Variants in TANGO6 observed in about 807,000 individuals in gnomAD.
TANGO6 encodes transport and Golgi organization protein 6 homolog.
A neutral mutation model predicts 114.2 loss-of-function variants in TANGO6; 90 were observed. The observed-to-expected ratio is 0.79, with a 90% CI of 0.66 to 0.94. The LOEUF (loss-of-function observed/expected upper bound fraction) is 0.94. Ranked by LOEUF, TANGO6 falls within the 40% of genes least tolerant of loss-of-function variation. The pLI is 0.00. For synonymous variants in TANGO6, 477 were observed against 509.8 expected (o/e 0.94, Z 0.87); for missense variants, 1,274 against 1,315.3 (o/e 0.97, Z 0.49).
At chr16:68,844,048 T>G (rs1189952322) in intron 1 of TANGO6, among the ~76,000 whole-genome samples, 3 of 151,890 alleles carry the variant, frequency 2.0e-5, no homozygotes, top group African/African-American at 7.3e-5. Flanking sequence ...CCAGAGAGGG[T>G]AGGGCGCCCG....
At chr16:68,855,311 G>T (rs919190337) in intron 1 of TANGO6, among the ~76,000 whole-genome samples, 88 of 152,282 alleles carry the variant, frequency 5.8e-4, no homozygotes, top group African/African-American at 2.0e-3. Flanking sequence ...GCCAGGCGTG[G>T]TGGCTCACAC....
chr16:69,034,142 A>T (rs187524718), intron 16 of TANGO6: 8 of 154,208 alleles, frequency 5.2e-5, no homozygotes, highest in Admixed American at 4.6e-4. Context: ...CATTGTCCCT[A>T]TGCGGAGAGG....
intron 17 of TANGO6, among the ~76,000 whole-genome samples, chr16:69,075,734 A>T (rs535043692): frequency 7.3e-5 from 11 of 150,806 alleles, no homozygotes; most frequent in African/African-American, 2.4e-4. Flanking sequence ...GATTACAGGC[A>T]TAAGCCATTG....
intron 17 of TANGO6, among the ~76,000 whole-genome samples, chr16:69,052,975 G>A (rs1422948650): frequency 6.6e-6 from 1 of 152,058 alleles, no homozygotes; most frequent in African/African-American, 2.4e-5. Context: ...AGGCATGGTG[G>A]TGCATGTCTA....
At chr16:69,055,630 G>C (rs527991878) in intron 17 of TANGO6, among the ~76,000 whole-genome samples, 2 of 152,364 alleles carry the variant, frequency 1.3e-5, no homozygotes, top group East Asian at 3.9e-4. Flanking sequence ...TTTGTGCAAA[G>C]TCAGGCTGGG....
chr16:68,920,450 G>C (rs995385277), intron 12 of TANGO6, among the ~76,000 whole-genome samples: 1 of 152,214 alleles, frequency 6.6e-6, no homozygotes, highest in Non-Finnish European at 1.5e-5. Context: ...GAGCATGCCT[G>C]CAAGGACAAA....
intron 17 of TANGO6, among the ~76,000 whole-genome samples, chr16:69,060,333 ATT>A (rs1960095621): frequency 6.6e-6 from 1 of 152,044 alleles, no homozygotes; most frequent in South Asian, 2.1e-4. Context: ...TCACTTTTAT[ATT>A]CCCAAAAGCT....
intron 14 of TANGO6, among the ~76,000 whole-genome samples, chr16:68,952,492 G>A (rs2152206049): frequency 6.6e-6 from 1 of 152,276 alleles, no homozygotes; most frequent in South Asian, 2.1e-4. Context: ...GATGATACTT[G>A]AAGCTGTTCA....
chr16:68,849,991 T>G (rs1961876087), intron 1 of TANGO6, among the ~76,000 whole-genome samples: 1 of 138,616 alleles, frequency 7.2e-6, no homozygotes, highest in South Asian at 2.2e-4. Context: ...TTTTTTTTTT[T>G]GAGACGGAAT....
In TANGO6 at chr16:69,054,272, G is replaced by A. The variant is rs564967175; in HGVS notation, c.3108+13851G>A. Among the ~76,000 whole-genome samples the A allele has an allele frequency of 5.3e-5, 8 of 152,270 alleles. No individual in the cohort carries two copies. In the South Asian group the frequency reaches 1.5e-3, roughly 28 times the overall value. On this transcript the variant is annotated intron_variant, in intron 17 of 17. Coordinates refer to ENST00000261778, the MANE Select transcript of TANGO6 (RefSeq NM_024562.2). ...AGTCTCTCTGGTAGGACCCTCCAAA[G>A]GGTAAACACTCCAGGCTTCTGCTGG...
intron 12 of TANGO6, among the ~76,000 whole-genome samples, chr16:68,922,919 C>T (rs1432643889): frequency 2.1e-5 from 3 of 142,560 alleles, no homozygotes; most frequent in African/African-American, 7.8e-5. Flanking sequence ...CTTGGTCTTA[C>T]TCTACACTGC....
chr16:69,032,321 A>G (rs1041692020), intron 16 of TANGO6, among the ~76,000 whole-genome samples: 1 of 152,058 alleles, frequency 6.6e-6, no homozygotes. Flanking sequence ...GCTGTAGTAC[A>G]GTGGCACAAT....
chr16:68,858,353 C>T (rs1040462135), intron 1 of TANGO6, among the ~76,000 whole-genome samples: 3 of 152,100 alleles, frequency 2.0e-5, no homozygotes, highest in East Asian at 1.9e-4. Flanking sequence ...CGTGAGCCAC[C>T]GCGCCCAGCG....
chr16:69,021,867 T>C (rs898684036), intron 15 of TANGO6, among the ~76,000 whole-genome samples: 13 of 151,616 alleles, frequency 8.6e-5, no homozygotes, highest in Non-Finnish European at 1.6e-4. Context: ...TTTTTGTATG[T>C]ATATGTAAAT....
chr16:69,075,541 C>G (rs1172872824), intron 17 of TANGO6, among the ~76,000 whole-genome samples: 2 of 151,498 alleles, frequency 1.3e-5, no homozygotes, highest in East Asian at 3.9e-4. Flanking sequence ...GCAGCCTCAG[C>G]CTCCTGGGTT....
chr16:69,006,529 A>C (rs1465666760), intron 15 of TANGO6, among the ~76,000 whole-genome samples: 1 of 151,958 alleles, frequency 6.6e-6, no homozygotes, highest in African/African-American at 2.4e-5. Context: ...GGATCACCTG[A>C]GGTCAGGAGT....
intron 17 of TANGO6, among the ~76,000 whole-genome samples, chr16:69,076,371 C>T (rs536664494): frequency 3.9e-5 from 6 of 152,086 alleles, no homozygotes; most frequent in Admixed American, 6.6e-5. Context: ...GGATTACATG[C>T]GTGAGCCACC....
At chr16:69,027,761 C>T (rs1365584574) in intron 16 of TANGO6, among the ~76,000 whole-genome samples, 4 of 151,800 alleles carry the variant, frequency 2.6e-5, no homozygotes, top group African/African-American at 9.7e-5. Context: ...AGTTGCTGGT[C>T]CATGATCTGA....
In TANGO6 at chr16:68,983,925, C is replaced by T. The variant is rs188050072; in HGVS notation, c.2842+9757C>T. Among the ~76,000 whole-genome samples the T allele has an allele frequency of 8.1e-3, 1,219 of 151,252 alleles. 16 individuals carry two copies. Among genetic ancestry groups the T allele is most frequent in the African/African-American group, 0.028 (1,158 of 41,252 alleles). ...GCGGGTGCCTGTTGTCCCAGCTACT[C>T]GGGAGGCTGAGGCAGGAGAATGGTG... On this transcript the variant is annotated intron_variant, in intron 15 of 17. Transcript: ENST00000261778.
Sources: gnomAD v4.1 joint callset for allele counts (sites outside exome capture counted in the v4.1 genomes callset) on GRCh38, gnomAD v4.1.1 for gene constraint, MANE v1.5 for transcripts, NCBI Gene and HGNC (gene_info 2026-07-23, HGNC 2026-07-21) for gene names.